The following EEPD1 variants were observed in gnomAD, a reference collection of about 807,000 sequenced individuals.
EEPD1 encodes the protein endonuclease/exonuclease/phosphatase family domain containing 1, also known as endonuclease/exonuclease/phosphatase family domain-containing protein 1.
Under a neutral mutation model 46.3 loss-of-function variants are expected in EEPD1, and 17 were observed. The ratio of observed to expected loss-of-function variants is 0.37; its 90% CI spans 0.25 to 0.55. The LOEUF is 0.55. EEPD1 is among the 20% of genes least tolerant of loss of function. EEPD1 has a pLI of 0.83. For missense variants in EEPD1, 673 were observed against 745.6 expected (o/e 0.90, Z 1.13); for synonymous variants, 313 against 315.6 (o/e 0.99, Z 0.09).
chr7:36,224,180 G>C (rs1481591288), intron 2 of EEPD1, among the ~76,000 whole-genome samples: 2 of 152,206 alleles, frequency 1.3e-5, no homozygotes, highest in East Asian at 3.8e-4. Flanking sequence ...AAAAAAGCTT[G>C]TATATGGAAG....
chr7:36,266,287 C>G (rs1787016854), intron 3 of EEPD1, among the ~76,000 whole-genome samples: 1 of 152,132 alleles, frequency 6.6e-6, no homozygotes, highest in Non-Finnish European at 1.5e-5. Context: ...TTTTGCACTT[C>G]AAAGAGCCAG....
chr7:36,203,068 T>C (rs1349894375), intron 2 of EEPD1, among the ~76,000 whole-genome samples: 1 of 152,050 alleles, frequency 6.6e-6, no homozygotes, highest in African/African-American at 2.4e-5. Context: ...GGGATAAGTG[T>C]TGGGTTCTGG....
intron 2 of EEPD1, among the ~76,000 whole-genome samples, chr7:36,213,622 C>T (rs1006467809): frequency 4.6e-5 from 7 of 152,112 alleles, no homozygotes; most frequent in African/African-American, 1.7e-4. Context: ...CATTGAAGGC[C>T]CTGGCAAAGG....
intron 2 of EEPD1, among the ~76,000 whole-genome samples, chr7:36,219,700 G>A (rs1466025950): frequency 6.6e-6 from 1 of 151,054 alleles, no homozygotes; most frequent in Non-Finnish European, 1.5e-5. Context: ...AGAAAGAAGT[G>A]GGGACCAAAA....
intron 3 of EEPD1, among the ~76,000 whole-genome samples, chr7:36,257,300 C>A (rs1000476629): frequency 1.3e-5 from 2 of 151,544 alleles, no homozygotes; most frequent in African/African-American, 4.9e-5. Context: ...TTATGTGTCT[C>A]GGGGTCGCTC....
intron 2 of EEPD1, among the ~76,000 whole-genome samples, chr7:36,194,773 C>T (rs1785547940): frequency 6.6e-6 from 1 of 152,144 alleles, no homozygotes; most frequent in Admixed American, 6.5e-5. Flanking sequence ...ATTGGGCCTC[C>T]ACATCTTCAT....
At position 36,154,602 on chromosome 7, in the gene EEPD1, A is replaced by G. The variant is rs750461918; in HGVS notation, c.278A>G (p.Gln93Arg). ...GGTGTAGGCGCCACCAAGCTGGAGCAGGTCAAGTTTGAGATCTGTGTGAGC... is the reference window on the plus strand; with the variant it reads ...GGTGTAGGCGCCACCAAGCTGGAGCGGGTCAAGTTTGAGATCTGTGTGAGC... ...VSGVGATKLEQVKFEICVSSK... is the reference protein window; with the variant it reads ...VSGVGATKLERVKFEICVSSK... The change falls in exon 2 of 8, where the codon CAG (glutamine) becomes CGG (arginine). Residue 93 changes from glutamine (Q) to arginine (R), a missense_variant. Physicochemically the swap from Gln to Arg is conservative, Grantham distance 43. Coordinates refer to ENST00000242108, the MANE Select transcript of EEPD1 (RefSeq NM_030636.3). This position sits in a 1 kb window ranked among gnomAD's most constrained non-coding sequence, Gnocchi z 4.2. 1.9e-6 allele frequency: 3 copies of G among 1,614,098 alleles called. No individual in the cohort carries two copies. The highest frequency in any genetic ancestry group is 1.7e-4 in the Middle Eastern group (1 of 6,060).
chr7:36,223,546 G>A (rs1413115095), intron 2 of EEPD1, among the ~76,000 whole-genome samples: 1 of 152,080 alleles, frequency 6.6e-6, no homozygotes, highest in African/African-American at 2.4e-5. Context: ...CTCTGGTGTT[G>A]AGAACTATGC....
rs533509157 is a variant in EEPD1 at position 36,285,415 on chromosome 7, G to C, written c.1176+595G>C. On this transcript the variant is annotated intron_variant, in intron 5 of 7. Coordinates refer to ENST00000242108, the MANE Select transcript of EEPD1 (RefSeq NM_030636.3). ...AGGAGGAGCTCTGGGCTGTGGGCCA[G>C]GGGCAGTCCTGTCACTGGCATCGCC... is the stretch of plus-strand genomic sequence containing the variant. Among the ~76,000 whole-genome samples the C allele has an allele frequency of 4.6e-5, 7 of 152,328 alleles. No individual in the cohort carries two copies. The East Asian group carries it at 1.2e-3, about 25-fold the overall frequency.
At chr7:36,188,388 C>T (rs1042946376) in intron 2 of EEPD1, among the ~76,000 whole-genome samples, 1 of 152,158 alleles carries the variant, frequency 6.6e-6, no homozygotes, top group African/African-American at 2.4e-5. Flanking sequence ...GATGTATTGT[C>T]ATGGGTCATT....
At chr7:36,207,231 T>C (rs1328822970) in intron 2 of EEPD1, among the ~76,000 whole-genome samples, 1 of 152,130 alleles carries the variant, frequency 6.6e-6, no homozygotes, top group Non-Finnish European at 1.5e-5. Flanking sequence ...TCAGCGTGGT[T>C]CGAATGGTAG....
chr7:36,211,798 G>A (rs915346188), intron 2 of EEPD1, among the ~76,000 whole-genome samples: 1 of 151,928 alleles, frequency 6.6e-6, no homozygotes, highest in Non-Finnish European at 1.5e-5. Flanking sequence ...GGTGGCAAGC[G>A]CCTGTAAACC....
intron 2 of EEPD1, among the ~76,000 whole-genome samples, chr7:36,238,182 G>A (rs1345828418): frequency 6.6e-6 from 1 of 152,156 alleles, no homozygotes; most frequent in Non-Finnish European, 1.5e-5. Flanking sequence ...TAATTAACAT[G>A]TAATGAGCAG....
Position 36,287,684 on chromosome 7 carries a change from C to G in EEPD1, c.1222C>G (p.Leu408Val), listed in dbSNP as rs1427157202. The part of the protein sequence containing the change: ...LTLVNLHLAA[L>V]TLLGSENPSK... ...CCTTGTTAACCTTCACCTGGCAGCC[C>G]TGACCCTCCTGGGGAGCGAGAATCC... Residue 408 changes from leucine to valine, a missense_variant, in exon 6 of 8, where the codon CTG becomes GTG. Transcript: ENST00000242108. 1.9e-6 allele frequency: 3 copies of G among 1,614,152 alleles called. No homozygotes were observed. The South Asian group carries it at 3.3e-5, about 18-fold the overall frequency.
intron 3 of EEPD1, among the ~76,000 whole-genome samples, chr7:36,250,631 T>A (rs1456996698): frequency 6.6e-6 from 1 of 152,206 alleles, no homozygotes; most frequent in Non-Finnish European, 1.5e-5. Flanking sequence ...GTCCAAAATG[T>A]ATCTTATTTG....
chr7:36,280,656 C>G (rs1449515483), intron 3 of EEPD1, among the ~76,000 whole-genome samples: 6 of 152,180 alleles, frequency 3.9e-5, no homozygotes, highest in Non-Finnish European at 7.3e-5. Context: ...TACGGTGGTT[C>G]AAGTTGAAGC....
chr7:36,219,708 A>G (rs1420322981), intron 2 of EEPD1, among the ~76,000 whole-genome samples: 1 of 151,358 alleles, frequency 6.6e-6, no homozygotes, highest in Non-Finnish European at 1.5e-5. Context: ...GTGGGGACCA[A>G]AAACAGCCCA....
intron 2 of EEPD1, among the ~76,000 whole-genome samples, chr7:36,206,198 C>T (rs1785814475): frequency 6.6e-6 from 1 of 151,742 alleles, no homozygotes; most frequent in African/African-American, 2.4e-5. Flanking sequence ...AAGAAATGAG[C>T]GAATCTCCTT....
chr7:36,161,907 A>C (rs1784905647), intron 2 of EEPD1, among the ~76,000 whole-genome samples: 1 of 152,024 alleles, frequency 6.6e-6, no homozygotes, highest in Non-Finnish European at 1.5e-5. Context: ...CAAAAAAAAA[A>C]AAAAAAAAAT....
Sources: allele counts gnomAD v4.1 joint callset (sites outside exome capture counted in the v4.1 genomes callset), GRCh38; gene constraint gnomAD v4.1.1; non-coding constraint Gnocchi (gnomAD v3.1); transcripts MANE v1.5; gene names NCBI Gene and HGNC (gene_info 2026-07-23, HGNC 2026-07-21).